HECTD4: variants seen among roughly 807,000 people sequenced by gnomAD.
The protein encoded by HECTD4 is probable E3 ubiquitin-protein ligase HECTD4.
In HECTD4, 114 loss-of-function variants were observed where a neutral mutation model predicts 471.5. The ratio of observed to expected loss-of-function variants is 0.24; its 90% CI spans 0.21 to 0.28. The LOEUF is 0.28. Among genes scored for constraint, HECTD4 ranks in the 10% least tolerant of loss-of-function variants. The pLI is 1.00. For missense variants in HECTD4, 3,866 were observed against 5,651.5 expected, an observed-to-expected ratio of 0.68 and a Z score of 10.13; for synonymous variants, 2,012 against 2,256.0, an observed-to-expected ratio of 0.89 and a Z score of 3.07.
At chr12:112,282,165 C>T (rs947477650) in intron 8 of HECTD4, among the ~76,000 whole-genome samples, 4 of 152,032 alleles carry the variant, frequency 2.6e-5, no homozygotes, top group African/African-American at 9.7e-5. Context: ...GGGCGGATCA[C>T]GAGGTCAGGA....
chr12:112,248,571 T>C, intron 25 of HECTD4, 59 bp from the exon 26 acceptor site: 1 of 1,111,564 alleles, frequency 9.0e-7, no homozygotes, highest in Non-Finnish European at 1.2e-6. Context: ...CTCAATACTG[T>C]ATTTTATTTT....
chr12:112,206,639 C>T (rs2032593224), intron 52 of HECTD4, among the ~76,000 whole-genome samples: 2 of 150,534 alleles, frequency 1.3e-5, no homozygotes, highest in South Asian at 4.2e-4. Flanking sequence ...CGGGTTCCTG[C>T]CATTCTCCTG....
At chr12:112,305,987 C>T in intron 7 of HECTD4, 77 bp downstream of exon 7, 2 of 1,366,820 alleles carry the variant, frequency 1.5e-6, no homozygotes, top group Non-Finnish European at 2.0e-6. Flanking sequence ...GGTTCTTAGG[C>T]CCTTTGCACA....
chr12:112,180,422 C>T (rs577076771), intron 62 of HECTD4, among the ~76,000 whole-genome samples: 2 of 152,052 alleles, frequency 1.3e-5, no homozygotes, highest in African/African-American at 4.8e-5. Flanking sequence ...GTCTTCTCAG[C>T]TACTCAGGAG....
At chr12:112,178,297 T>G (rs571516199) in intron 64 of HECTD4, among the ~76,000 whole-genome samples, 7 of 152,318 alleles carry the variant, frequency 4.6e-5, no homozygotes, top group Non-Finnish European at 8.8e-5. Context: ...AGGCTGGTCT[T>G]GAACTCCCGG....
At chr12:112,255,908 C>T (rs2033998101) in intron 21 of HECTD4, among the ~76,000 whole-genome samples, 1 of 152,046 alleles carries the variant, frequency 6.6e-6, no homozygotes, top group Non-Finnish European at 1.5e-5. Flanking sequence ...TCTAAAAAGC[C>T]ACCTTTTCCC....
chr12:112,194,994 C>T lies in HECTD4; in HGVS notation c.8640G>A (p.Pro2880=), dbSNP rs377702792. The part of the protein sequence containing the change: ...CRMALLNIFA[P]KLPHLFTRLF... ...GGCGAGTGAACAAGTGAGGCAACTTCGGGGCGAAGATATTGAGCAGGGCCA... is the reference window on the plus strand; with the variant it reads ...GGCGAGTGAACAAGTGAGGCAACTTTGGGGCGAAGATATTGAGCAGGGCCA... Residue 2880 remains proline (P), a synonymous_variant, in exon 56 of 76, where the codon CCG becomes CCA. Coordinates refer to ENST00000682272, the MANE Select transcript of HECTD4 (RefSeq NM_001388303.1). The surrounding 1 kb of genome is among the most constrained non-coding windows in gnomAD (Gnocchi z 4.6). 85 of 1,611,218 alleles carry T rather than the reference C, an allele frequency of 5.3e-5. No homozygotes were observed. The Admixed American group carries it at 6.7e-4, about 13-fold the overall frequency.
intron 72 of HECTD4, among the ~76,000 whole-genome samples, chr12:112,165,959 C>G (rs950056752): frequency 1.3e-5 from 2 of 152,234 alleles, no homozygotes; most frequent in African/African-American, 4.8e-5. Flanking sequence ...CCCTTCACCG[C>G]AGACACTCCA....
chr12:112,290,988 A>T (rs948855224), intron 7 of HECTD4, among the ~76,000 whole-genome samples: 4 of 152,088 alleles, frequency 2.6e-5, no homozygotes, highest in African/African-American at 9.7e-5. Context: ...TACCACCTCC[A>T]TCATTACTTC....
chr12:112,360,049 C>T (rs2036420817), intron 1 of HECTD4, among the ~76,000 whole-genome samples: 1 of 152,204 alleles, frequency 6.6e-6, no homozygotes, highest in Admixed American at 6.5e-5. Flanking sequence ...ATCACATGGA[C>T]AAGAAGTTAC....
Position 112,210,208 on chromosome 12 carries a change from G to A in HECTD4, c.7674C>T (p.Tyr2558=), listed in dbSNP as rs369944267. 1.7e-5 allele frequency: 28 copies of A among 1,613,820 alleles called. No homozygotes were observed. In the African/African-American group the frequency reaches 1.9e-4, roughly 11 times the overall value. The change falls in exon 50 of 76, where the codon TAC becomes TAT. Residue 2558 remains tyrosine, a synonymous_variant. Transcript: ENST00000682272. ...CATTGCGGTGGGCCTGCCCTTCCGC[G>A]TAGGCAAACGGCCGGGAGCCAAAGT... ...RANFGSRPFA[Y]AEGQAHRNAA...
intron 6 of HECTD4, among the ~76,000 whole-genome samples, chr12:112,308,006 T>G (rs1210878697): frequency 6.6e-6 from 1 of 152,282 alleles, no homozygotes; most frequent in African/African-American, 2.4e-5. Flanking sequence ...TCAGTTTCCT[T>G]ATCTGTAAGA....
chr12:112,339,257 GAAGTA>G (rs1285172546), intron 1 of HECTD4, among the ~76,000 whole-genome samples: 1 of 150,280 alleles, frequency 6.7e-6, no homozygotes, highest in Non-Finnish European at 1.5e-5. Context: ...GAAAATAAAT[GAAGTA>G]TAGTGACACA....
intron 7 of HECTD4, among the ~76,000 whole-genome samples, chr12:112,305,699 T>C (rs1402503492): frequency 6.6e-6 from 1 of 152,092 alleles, no homozygotes; most frequent in Non-Finnish European, 1.5e-5. Context: ...AAGTGACATG[T>C]CACAATGTTG....
In HECTD4 at chr12:112,228,129, C is replaced by G; in HGVS notation, c.6814G>C (p.Val2272Leu). The change falls in exon 43 of 76, where the codon GTG (valine) becomes CTG (leucine). Residue 2272 changes from valine (V) to leucine (L), a missense_variant. Around this residue, in one of 16 missense-constraint regions of HECTD4, gnomAD observed 617 missense variants for 915.1 expected, o/e 0.67. Transcript: ENST00000682272. This position sits in a 1 kb window ranked among gnomAD's most constrained non-coding sequence, Gnocchi z 4.9. ...GCAAGGAGCCGAACGACTGCCATCA[C>G]AGGAGCTGACCCATCTCCTGTTGCA... ...LPATGDGSAP[V>L]MAVVRLLAEI... The G allele has an allele frequency of 3.1e-6, 5 of 1,613,554 alleles. No homozygotes were observed. The highest frequency in any genetic ancestry group is 4.2e-6 in the Non-Finnish European group (5 of 1,179,720).
At chr12:112,230,213 A>G (rs1002335715) in intron 40 of HECTD4, among the ~76,000 whole-genome samples, 1 of 152,208 alleles carries the variant, frequency 6.6e-6, no homozygotes. Flanking sequence ...TAAGGGGTTC[A>G]TTTGAAGAGT....
At position 112,217,168 on chromosome 12, in the gene HECTD4, G is replaced by A. The variant is rs2032941216; in HGVS notation, c.7102C>T (p.Arg2368Ter). Residue 2368 changes from arginine (R) to a stop codon, truncating the protein, a stop_gained, in exon 46 of 76, where the codon CGA (arginine) becomes TGA (stop). Transcript: ENST00000682272. LOFTEE classifies it high-confidence loss of function. ...QPKEITWSPS[R>*]VFPPVRACMF... The stretch of plus-strand genomic sequence containing the variant: ...CAGGCTCGAACAGGCGGAAACACTC[G>A]CGAGGGGCTCCAAGTAATCTCTTTG... 1.3e-6 allele frequency: 2 copies of A among 1,533,298 alleles called. No individual in the cohort carries two copies. The highest frequency in any genetic ancestry group is 1.8e-6 in the Non-Finnish European group (2 of 1,140,550). 95.0% of individuals were successfully genotyped at this position (1,533,298 alleles called of 1,614,324 possible).
intron 61 of HECTD4, 66 bp from the exon 62 acceptor site, chr12:112,183,332 TCTCC>T: frequency 8.2e-7 from 1 of 1,221,502 alleles, no homozygotes; most frequent in Non-Finnish European, 1.2e-6. Context: ...TGAGTGAACT[TCTCC>T]CTCCCACCTT....
At chr12:112,355,286 T>TA (rs1253949622) in intron 1 of HECTD4, among the ~76,000 whole-genome samples, 2,090 of 15,616 alleles carry the variant, frequency 0.13, 27 homozygotes, top group Admixed American at 0.2. Flanking sequence ...CAAATGGGAT[T>TA]CAAAAAAAAA....
Sources: gnomAD v4.1 joint callset for allele counts (sites outside exome capture counted in the v4.1 genomes callset) on GRCh38, gnomAD v4.1.1 for gene constraint, gnomAD v4.1.1 regional missense constraint, Gnocchi (gnomAD v3.1) non-coding constraint, MANE v1.5 for transcripts, NCBI Gene and HGNC (gene_info 2026-07-23, HGNC 2026-07-21) for gene names.